The following POLQ variants were observed in gnomAD, a reference collection of about 807,000 sequenced individuals.
POLQ encodes DNA polymerase theta, also known as epididymis secretory sperm binding protein.
In POLQ, 233 loss-of-function variants were observed where a neutral mutation model predicts 259.2. The ratio of observed to expected loss-of-function variants is 0.90; its 90% CI spans 0.81 to 1.00. POLQ has a LOEUF of 1.00. POLQ is among the 50% of genes least tolerant of loss of function. The probability of loss-of-function intolerance (pLI) is 0.00; values close to 1 mark genes in which losing one functional copy is unlikely to be tolerated. For missense variants in POLQ, 2,871 were observed against 3,051.6 expected, an observed-to-expected ratio of 0.94 and a Z score of 1.39; for synonymous variants, 1,025 against 1,048.8, an observed-to-expected ratio of 0.98 and a Z score of 0.44.
intron 9 of POLQ, among the ~76,000 whole-genome samples, chr3:121,516,026 G>A (rs1427805924): frequency 6.6e-6 from 1 of 151,904 alleles, no homozygotes; most frequent in Non-Finnish European, 1.5e-5. Context: ...AGTACAATGA[G>A]TGAACTGAAA....
intron 15 of POLQ, among the ~76,000 whole-genome samples, chr3:121,492,445 A>T (rs2048076316): frequency 6.6e-6 from 1 of 152,164 alleles, no homozygotes; most frequent in Admixed American, 6.5e-5. Flanking sequence ...TCTTCTCACA[A>T]ATTGTTTTGA....
At chr3:121,476,841 C>A in intron 19 of POLQ, 108 bp from the exon 20 acceptor site, 1 of 737,018 alleles carries the variant, frequency 1.4e-6, no homozygotes, top group Non-Finnish European at 2.2e-6. Context: ...GAAATGCTAC[C>A]AAGGTATCCT....
chr3:121,531,488 G>A (rs1313598340), intron 6 of POLQ, among the ~76,000 whole-genome samples: 3 of 152,112 alleles, frequency 2.0e-5, no homozygotes, highest in Non-Finnish European at 4.4e-5. Context: ...ACTAAGAGGG[G>A]TGGGGGATGT....
intron 7 of POLQ, among the ~76,000 whole-genome samples, chr3:121,526,894 C>T (rs142506195): frequency 3.1e-4 from 37 of 118,884 alleles, no homozygotes; most frequent in Admixed American, 1.1e-3. Context: ...TGTGTGTGCG[C>T]GCGCGCACGC....
Position 121,522,052 on chromosome 3 carries a change from G to A in POLQ, c.1206C>T (p.Asp402=). 2 of 1,607,016 alleles carry A rather than the reference G, an allele frequency of 1.2e-6. No homozygotes were observed. Among genetic ancestry groups the A allele is most frequent in the South Asian group, 2.2e-5 (2 of 90,246 alleles). Reference sequence around the variant, plus strand: ...ATGGTACAGTTTTCTGTAATACAGAGTCCAGTCCTGAAGGCAAACGTCTTA... The same window carrying A: ...ATGGTACAGTTTTCTGTAATACAGAATCCAGTCCTGAAGGCAAACGTCTTA... ...DQLRRLPSGL[D]SVLQKTVPWG... Residue 402 remains aspartate (D), a synonymous_variant, in exon 8 of 30, where the codon GAC becomes GAT. Coordinates refer to ENST00000264233, the MANE Select transcript of POLQ (RefSeq NM_199420.4).
chr3:121,497,445 CT>C (rs1005747994), intron 13 of POLQ, among the ~76,000 whole-genome samples: 1 of 150,996 alleles, frequency 6.6e-6, no homozygotes, highest in African/African-American at 2.4e-5. Flanking sequence ...ATTATTATTT[CT>C]TTTTTTTTGA....
intron 25 of POLQ, among the ~76,000 whole-genome samples, chr3:121,456,701 G>C (rs2047741949): frequency 6.6e-6 from 1 of 151,892 alleles, no homozygotes; most frequent in Non-Finnish European, 1.5e-5. Context: ...TCTTCAAGGA[G>C]AACTACAAAC....
At chr3:121,453,527 A>T (rs1428125954) in intron 25 of POLQ, among the ~76,000 whole-genome samples, 1 of 152,230 alleles carries the variant, frequency 6.6e-6, no homozygotes, top group Non-Finnish European at 1.5e-5. Flanking sequence ...AGAATAACCA[A>T]TACAGAGAAG....
chr3:121,503,840 C>T (rs1170740749), intron 12 of POLQ, among the ~76,000 whole-genome samples: 6 of 152,098 alleles, frequency 3.9e-5, no homozygotes, highest in Non-Finnish European at 7.3e-5. Context: ...ACAAAATAAA[C>T]TGTATGTTCA....
At chr3:121,522,968 G>T (rs1363759635) in intron 7 of POLQ, among the ~76,000 whole-genome samples, 1 of 152,132 alleles carries the variant, frequency 6.6e-6, no homozygotes, top group Non-Finnish European at 1.5e-5. Flanking sequence ...GCATTAATCT[G>T]GTAGCTAATT....
At chr3:121,456,602 G>C (rs13096738) in intron 25 of POLQ, among the ~76,000 whole-genome samples, 88,758 of 150,910 alleles carry the variant, frequency 0.59, 27,199 homozygotes, top group East Asian at 0.89. Flanking sequence ...GACAAACAGA[G>C]AGCCAAATCA....
At chr3:121,433,628 G>A (rs917127900) in intron 28 of POLQ, among the ~76,000 whole-genome samples, 3 of 152,172 alleles carry the variant, frequency 2.0e-5, no homozygotes, top group African/African-American at 7.2e-5. Context: ...TTTCTGTGGA[G>A]ATAATCCATA....
Position 121,545,977 on chromosome 3 carries a change from G to T in POLQ, c.-100C>A. The stretch of plus-strand genomic sequence containing the variant: ...AACAGCTGCGGACATCTTCCCGCCA[G>T]TCTTCAAACTCAAACCTCCCGGCCC... On this transcript the variant is annotated 5_prime_UTR_variant, in exon 1 of 30. The change creates a new upstream start codon in the 5' untranslated region. Transcript: ENST00000264233. The T allele has an allele frequency of 7.0e-7, 1 of 1,434,638 alleles. No individual in the cohort carries two copies. The highest frequency in any genetic ancestry group is 9.6e-7 in the Non-Finnish European group (1 of 1,039,496). 88.9% of individuals were successfully genotyped at this position (1,434,638 alleles called of 1,614,324 possible).
chr3:121,504,337 G>A (rs902946632), intron 12 of POLQ, among the ~76,000 whole-genome samples: 1 of 152,004 alleles, frequency 6.6e-6, no homozygotes, highest in Admixed American at 6.6e-5. Flanking sequence ...TACCAAAACC[G>A]ATTGAAGAAA....
chr3:121,472,992 G>A (rs1434854208), intron 21 of POLQ, among the ~76,000 whole-genome samples: 1 of 152,230 alleles, frequency 6.6e-6, no homozygotes, highest in Non-Finnish European at 1.5e-5. Flanking sequence ...GGGAGGCTGA[G>A]GCGGGAGGAT....
chr3:121,490,462 G>C (rs1306427525), intron 15 of POLQ, 54 bp from the exon 16 acceptor site: 1 of 1,428,848 alleles, frequency 7.0e-7, no homozygotes, highest in Non-Finnish European at 9.8e-7. Context: ...CGTAAGGCAA[G>C]TATTTATTAA....
intron 24 of POLQ, among the ~76,000 whole-genome samples, chr3:121,466,439 C>T (rs983431566): frequency 6.6e-5 from 10 of 151,202 alleles, no homozygotes; most frequent in East Asian, 2.0e-4. Context: ...GCCTGTAATC[C>T]CAGCACTTTG....
chr3:121,474,289 G>A (rs1217165855), intron 20 of POLQ, among the ~76,000 whole-genome samples: 3 of 152,152 alleles, frequency 2.0e-5, no homozygotes, highest in Non-Finnish European at 2.9e-5. Context: ...ATAGTCCCTA[G>A]GCACAAAAAG....
chr3:121,479,094 T>C (rs2108793335), intron 19 of POLQ, among the ~76,000 whole-genome samples: 1 of 152,244 alleles, frequency 6.6e-6, no homozygotes, highest in African/African-American at 2.4e-5. Context: ...ACAACACAAT[T>C]AAGTTTAAAT....
Sources: allele counts gnomAD v4.1 joint callset (sites outside exome capture counted in the v4.1 genomes callset), GRCh38; gene constraint gnomAD v4.1.1; transcripts MANE v1.5; gene names NCBI Gene and HGNC (gene_info 2026-07-23, HGNC 2026-07-21).